DLC1: variants seen among roughly 807,000 people sequenced by gnomAD.
The protein encoded by DLC1 is rho GTPase-activating protein 7.
In DLC1, 54 loss-of-function variants were observed where a neutral mutation model predicts 140.3. That is an observed-to-expected ratio of 0.38 (90% CI 0.31 to 0.48). DLC1 has a LOEUF of 0.48. Ranked by LOEUF, DLC1 falls within the 20% of genes least tolerant of loss-of-function variation. The pLI is 0.96. For missense variants in DLC1, 2,536 were observed against 1,907.0 expected (o/e 1.33, Z -6.14); for synonymous variants, 986 against 728.1 (o/e 1.35, Z -5.70).
intron 1 of DLC1, among the ~76,000 whole-genome samples, chr8:13,541,207 G>A (rs965647409): frequency 3.3e-5 from 5 of 152,124 alleles, no homozygotes; most frequent in Admixed American, 6.5e-5. Flanking sequence ...ACAGGTTGGC[G>A]GGCATTTTGA....
At chr8:13,445,203 T>C (rs976394885) in intron 2 of DLC1, among the ~76,000 whole-genome samples, 20 of 152,184 alleles carry the variant, frequency 1.3e-4, no homozygotes, top group African/African-American at 4.3e-4. Flanking sequence ...TCTTATTGCA[T>C]GCTCTTGGTG....
intron 4 of DLC1, among the ~76,000 whole-genome samples, chr8:13,328,820 G>A (rs1026518234): frequency 1.3e-5 from 2 of 152,114 alleles, no homozygotes; most frequent in Admixed American, 6.5e-5. Context: ...TCACAGAAGC[G>A]GAAGGAACAG....
intron 5 of DLC1, among the ~76,000 whole-genome samples, chr8:13,219,935 T>G (rs927383164): frequency 1.3e-5 from 2 of 152,124 alleles, no homozygotes; most frequent in Non-Finnish European, 2.9e-5. Context: ...GGCTACATAC[T>G]GTCTTAATTC....
intron 5 of DLC1, among the ~76,000 whole-genome samples, chr8:13,121,372 G>C (rs963087809): frequency 1.3e-5 from 2 of 152,130 alleles, no homozygotes; most frequent in Non-Finnish European, 2.9e-5. Flanking sequence ...AATTTGGCAG[G>C]AATGTTGTGC....
chr8:13,230,291 G>C (rs1011996888), intron 5 of DLC1, among the ~76,000 whole-genome samples: 3 of 152,174 alleles, frequency 2.0e-5, no homozygotes, highest in African/African-American at 7.2e-5. Context: ...AAGTAAAAAG[G>C]GTAGCAGCTA....
At chr8:13,321,176 AC>A (rs1450278288) in intron 4 of DLC1, among the ~76,000 whole-genome samples, 3 of 152,256 alleles carry the variant, frequency 2.0e-5, no homozygotes, top group Admixed American at 1.3e-4. Context: ...AAAAATACTT[AC>A]GTCTATTCAC....
chr8:13,435,002 A>G (rs991732121), intron 2 of DLC1, among the ~76,000 whole-genome samples: 10 of 152,162 alleles, frequency 6.6e-5, no homozygotes, highest in Non-Finnish European at 1.3e-4. Flanking sequence ...TATTTAAGAA[A>G]TACATTTTGT....
intron 1 of DLC1, among the ~76,000 whole-genome samples, chr8:13,599,641 G>C (rs1294910959): frequency 6.6e-6 from 1 of 151,986 alleles, no homozygotes; most frequent in Non-Finnish European, 1.5e-5. Context: ...AACAATGAGA[G>C]ATATTAACAA....
chr8:13,123,767 C>T (rs1373625990), intron 5 of DLC1, among the ~76,000 whole-genome samples: 1 of 152,146 alleles, frequency 6.6e-6, no homozygotes, highest in African/African-American at 2.4e-5. Flanking sequence ...CCATTTTATT[C>T]TGTGATATAT....
intron 2 of DLC1, among the ~76,000 whole-genome samples, chr8:13,487,102 C>T (rs891758972): frequency 9.9e-5 from 15 of 152,230 alleles, no homozygotes; most frequent in Middle Eastern, 3.4e-3. Context: ...CACAATTAGT[C>T]GACTTACTAA....
intron 14 of DLC1, 63 bp downstream of exon 14, chr8:13,091,255 C>G (rs1818044980): frequency 6.5e-7 from 1 of 1,536,352 alleles, no homozygotes; most frequent in Non-Finnish European, 9.0e-7. Flanking sequence ...AAGGGTCAAG[C>G]CTAAGATTTT....
At chr8:13,125,187 G>C (rs1585702260) in intron 5 of DLC1, among the ~76,000 whole-genome samples, 2 of 152,248 alleles carry the variant, frequency 1.3e-5, no homozygotes, top group East Asian at 3.9e-4. Flanking sequence ...ATGTTGGCCA[G>C]GCTGGTCTCA....
At chr8:13,425,857 C>T (rs922193899) in intron 2 of DLC1, among the ~76,000 whole-genome samples, 3 of 152,172 alleles carry the variant, frequency 2.0e-5, no homozygotes, top group East Asian at 3.8e-4. Flanking sequence ...TCACTGTAGC[C>T]TTGACCTCCT....
At chr8:13,532,661 G>T (rs1419568826) in intron 1 of DLC1, among the ~76,000 whole-genome samples, 1 of 151,944 alleles carries the variant, frequency 6.6e-6, no homozygotes, top group African/African-American at 2.4e-5. Context: ...ATCATTCATT[G>T]CTCACTGTGA....
At chr8:13,272,176 A>C (rs988238897) in intron 5 of DLC1, among the ~76,000 whole-genome samples, 10 of 152,222 alleles carry the variant, frequency 6.6e-5, no homozygotes, top group African/African-American at 2.4e-4. Flanking sequence ...GGCCAGGCCC[A>C]GTGGCTCATG....
chr8:13,328,867 A>C (rs1029439347), intron 4 of DLC1, among the ~76,000 whole-genome samples: 1 of 152,176 alleles, frequency 6.6e-6, no homozygotes, highest in African/African-American at 2.4e-5. Flanking sequence ...AATAGGCTGG[A>C]GTGATCTGGG....
chr8:13,133,178 G>A (rs1260792245), intron 5 of DLC1: 1 of 1,433,816 alleles, frequency 7.0e-7, no homozygotes, highest in East Asian at 2.6e-5. Context: ...AAACGAGGGA[G>A]CGCTCAGGGA....
At position 13,377,803 on chromosome 8, in the gene DLC1, T is replaced by C. The variant is rs573636043; in HGVS notation, c.1314+15750A>G. Among the ~76,000 whole-genome samples the C allele has an allele frequency of 2.0e-5, 3 of 152,144 alleles. No individual in the cohort carries two copies. The South Asian group carries it at 6.2e-4, about 32-fold the overall frequency. Reference sequence around the variant, plus strand: ...CAAATCTTGAATAGGTGGCGCCTAATGATAAAAGGGAAATTTGTGTAAATC... The same window carrying C: ...CAAATCTTGAATAGGTGGCGCCTAACGATAAAAGGGAAATTTGTGTAAATC... On this transcript the variant is annotated intron_variant, in intron 4 of 17. Transcript: ENST00000276297.
intron 4 of DLC1, among the ~76,000 whole-genome samples, chr8:13,376,360 C>G (rs1209230625): frequency 6.6e-6 from 1 of 152,148 alleles, no homozygotes; most frequent in Non-Finnish European, 1.5e-5. Context: ...TCTCCTTCCT[C>G]TATTCCTCTA....
Sources: gnomAD v4.1 joint callset for allele counts (sites outside exome capture counted in the v4.1 genomes callset) on GRCh38, gnomAD v4.1.1 for gene constraint, MANE v1.5 for transcripts, NCBI Gene and HGNC (gene_info 2026-07-23, HGNC 2026-07-21) for gene names.